DNM3: variants seen among roughly 807,000 people sequenced by gnomAD.
DNM3 encodes the protein dynamin-3.
In DNM3, 47 loss-of-function variants were observed where a neutral mutation model predicts 101.6. That is an observed-to-expected ratio of 0.46 (90% confidence interval 0.37 to 0.59). The LOEUF is 0.59. Ranked by LOEUF, DNM3 falls within the 20% of genes least tolerant of loss-of-function variation. The probability of loss-of-function intolerance (pLI) is 0.00; values close to 1 mark genes in which losing one functional copy is unlikely to be tolerated. For synonymous variants in DNM3, 385 were observed against 387.9 expected (o/e 0.99, Z 0.09); for missense variants, 849 against 1,085.7 (o/e 0.78, Z 3.06).
At chr1:172,007,156 T>A (rs2125692622) in intron 4 of DNM3, among the ~76,000 whole-genome samples, 1 of 152,238 alleles carries the variant, frequency 6.6e-6, no homozygotes, top group East Asian at 1.9e-4. Flanking sequence ...TATGTTTCAT[T>A]TCACTTAGGA....
At chr1:172,355,395 A>G (rs12143377) in intron 17 of DNM3, among the ~76,000 whole-genome samples, 10,181 of 152,286 alleles carry the variant, frequency 0.067, 394 homozygotes, top group South Asian at 0.15. Flanking sequence ...ATATTTTTAA[A>G]ATAGCCAAAT....
chr1:172,081,946 T>A, intron 12 of DNM3, 44 bp downstream of exon 12: 1 of 1,581,854 alleles, frequency 6.3e-7, no homozygotes, highest in South Asian at 1.1e-5. Flanking sequence ...TCCTGTTGAT[T>A]TGTCTCAAAC....
intron 9 of DNM3, among the ~76,000 whole-genome samples, chr1:172,045,483 A>G (rs2049720461): frequency 6.6e-6 from 1 of 152,002 alleles, no homozygotes; most frequent in African/African-American, 2.4e-5. Flanking sequence ...AATCCCATTC[A>G]TGAGGGTTCT....
chr1:172,413,402 G>GTAATT (rs1053211696), downstream of DNM3, among the ~76,000 whole-genome samples: 2 of 151,982 alleles, frequency 1.3e-5, no homozygotes, highest in Non-Finnish European at 2.9e-5. Flanking sequence ...AATTTTTTTT[G>GTAATT]TAATTTAGTA....
chr1:172,369,776 T>A (rs1321913772), intron 17 of DNM3, among the ~76,000 whole-genome samples: 1 of 151,968 alleles, frequency 6.6e-6, no homozygotes, highest in Non-Finnish European at 1.5e-5. Context: ...ATTGTATTAG[T>A]TTGCTAGAGA....
rs2063700717 is a variant in DNM3 at position 172,286,308 on chromosome 1, C to T, written c.1770-22420C>T. 2.0e-5 allele frequency among the ~76,000 whole-genome samples: 3 copies of T among 152,078 alleles called. No homozygotes were observed. The South Asian group carries it at 6.2e-4, about 32-fold the overall frequency. On this transcript the variant is annotated intron_variant, in intron 15 of 20. Coordinates refer to ENST00000627582, the MANE Select transcript of DNM3 (RefSeq NM_015569.5). ...AGCAGGCTATTACCATATATTCTGA[C>T]CTAATAAATGAGACAGACTGAGAAT...
chr1:171,994,172 A>T (rs1266771798), intron 4 of DNM3, among the ~76,000 whole-genome samples: 1 of 152,036 alleles, frequency 6.6e-6, no homozygotes, highest in Non-Finnish European at 1.5e-5. Context: ...ATATCTTAAA[A>T]TTTTTTTGTT....
chr1:171,959,762 G>T (rs551784646), intron 2 of DNM3, among the ~76,000 whole-genome samples: 1 of 152,192 alleles, frequency 6.6e-6, no homozygotes, highest in African/African-American at 2.4e-5. Flanking sequence ...GTGTTATGAA[G>T]GGAGGGGTGA....
intron 14 of DNM3, among the ~76,000 whole-genome samples, chr1:172,236,497 G>A (rs948143311): frequency 4.6e-5 from 7 of 151,862 alleles, no homozygotes; most frequent in African/African-American, 7.3e-5. Flanking sequence ...AAGAATCTGC[G>A]ATTTATCATT....
intron 4 of DNM3, among the ~76,000 whole-genome samples, chr1:171,992,809 C>T (rs566450036): frequency 6.6e-6 from 1 of 151,614 alleles, no homozygotes; most frequent in South Asian, 2.1e-4. Context: ...CTGCTACTAT[C>T]TCCTTTTGTG....
At chr1:171,983,032 C>T (rs2125595316) in intron 2 of DNM3, among the ~76,000 whole-genome samples, 1 of 152,264 alleles carries the variant, frequency 6.6e-6, no homozygotes, top group Non-Finnish European at 1.5e-5. Flanking sequence ...CTTCCCTTAT[C>T]CTGGGTGTTA....
intron 20 of DNM3, among the ~76,000 whole-genome samples, chr1:172,390,566 T>A (rs2069467830): frequency 6.6e-6 from 1 of 152,202 alleles, no homozygotes; most frequent in Non-Finnish European, 1.5e-5. Context: ...ACTAAAAATA[T>A]CTGTAGACAC....
intron 14 of DNM3, among the ~76,000 whole-genome samples, chr1:172,184,979 G>A: frequency 6.6e-6 from 1 of 151,992 alleles, no homozygotes; most frequent in East Asian, 1.9e-4. Context: ...GGAACACTAA[G>A]AGAGCATCGA....
At chr1:172,187,593 T>C (rs2148420796) in intron 14 of DNM3, among the ~76,000 whole-genome samples, 1 of 152,176 alleles carries the variant, frequency 6.6e-6, no homozygotes, top group South Asian at 2.1e-4. Context: ...GATAGTAGCC[T>C]TATTTTTGTT....
Position 172,408,694 on chromosome 1 carries a change from C to T in DNM3, c.*853C>T. 1.0e-6 allele frequency: 1 copy of T among 984,634 alleles called. No homozygotes were observed. Among genetic ancestry groups the T allele is most frequent in the Middle Eastern group, 5.2e-4 (1 of 1,910 alleles). The allele number at this position is 984,634 out of a possible 1,614,324, so 61.0% of individuals were successfully genotyped here. The stretch of plus-strand genomic sequence containing the variant: ...GGAGAATGTTTACTTTTCTATTTGG[C>T]ATAGCTAACTACACTTTGATACTAA... On this transcript the variant is annotated 3_prime_UTR_variant, in exon 21 of 21. Transcript: ENST00000627582.
At chr1:171,859,703 T>A (rs2033976488) in intron 1 of DNM3, among the ~76,000 whole-genome samples, 1 of 152,112 alleles carries the variant, frequency 6.6e-6, no homozygotes, top group Non-Finnish European at 1.5e-5. Flanking sequence ...TAAAAATGTA[T>A]AATTATAAAT....
chr1:171,888,864 A>T (rs557678685), intron 1 of DNM3, among the ~76,000 whole-genome samples: 2 of 152,332 alleles, frequency 1.3e-5, no homozygotes, highest in Admixed American at 6.5e-5. Context: ...TCATTTTTTT[A>T]AAAGTAGATT....
At chr1:172,183,031 G>A (rs2148401887) in intron 14 of DNM3, among the ~76,000 whole-genome samples, 1 of 152,162 alleles carries the variant, frequency 6.6e-6, no homozygotes, top group Non-Finnish European at 1.5e-5. Flanking sequence ...CTGGTAAAAA[G>A]GCAACTTTTT....
intron 14 of DNM3, among the ~76,000 whole-genome samples, chr1:172,234,251 A>ACAGAGAG (rs1190897261): frequency 1.3e-5 from 2 of 152,102 alleles, no homozygotes; most frequent in Non-Finnish European, 2.9e-5. Context: ...CCAATAACAG[A>ACAGAGAG]CAGAGAGCCA....
Sources: allele counts gnomAD v4.1 joint callset (sites outside exome capture counted in the v4.1 genomes callset), GRCh38; gene constraint gnomAD v4.1.1; transcripts MANE v1.5; gene names NCBI Gene and HGNC (gene_info 2026-07-23, HGNC 2026-07-21).